Variants in PRORP observed in about 807,000 individuals in gnomAD.
PRORP encodes protein only RNase P catalytic subunit.
A neutral mutation model predicts 59.4 loss-of-function variants in PRORP; 51 were observed. The ratio of observed to expected loss-of-function variants is 0.86; its 90% CI spans 0.69 to 1.08. PRORP has a LOEUF of 1.08. PRORP is among the 50% of genes least tolerant of loss of function. The pLI, the probability that PRORP is intolerant of heterozygous loss-of-function variation, is 0.00. For missense variants in PRORP, 646 were observed against 690.3 expected (o/e 0.94, Z 0.72); for synonymous variants, 231 against 245.6 (o/e 0.94, Z 0.55).
rs546568243 is a variant in PRORP, at chr14:35,276,559, G to C, written c.*2993G>C. 2.0e-5 allele frequency: 3 copies of C among 152,066 alleles called. No individual in the cohort carries two copies. The South Asian group carries it at 6.2e-4, about 32-fold the overall frequency. The allele number at this position is 152,066 out of a possible 1,614,324, so 9.4% of individuals were successfully genotyped here. ...GTCATACTGCCACGGTGACCTTGAG[G>C]AGTGCAGGGATTCCCTGAAGGAAGC... On this transcript the variant is annotated 3_prime_UTR_variant, in exon 8 of 8. Coordinates refer to ENST00000534898, the MANE Select transcript of PRORP (RefSeq NM_014672.4).
chr14:35,238,308 AC>A (rs1370805267), intron 5 of PRORP, among the ~76,000 whole-genome samples: 1 of 152,118 alleles, frequency 6.6e-6, no homozygotes, highest in Non-Finnish European at 1.5e-5. Flanking sequence ...TAATTCCCAA[AC>A]CCACATATCT....
At chr14:35,234,389 T>C (rs2050153592) in intron 5 of PRORP, among the ~76,000 whole-genome samples, 1 of 152,234 alleles carries the variant, frequency 6.6e-6, no homozygotes, top group Non-Finnish European at 1.5e-5. Context: ...ACATTAGGTA[T>C]GAACTGCACC....
intron 5 of PRORP, among the ~76,000 whole-genome samples, chr14:35,205,183 TTTG>T (rs980801089): frequency 1.3e-5 from 2 of 152,082 alleles, no homozygotes; most frequent in African/African-American, 2.4e-5. Flanking sequence ...ATATGCAGTT[TTTG>T]TTGTTGTTGT....
At chr14:35,186,759 T>C (rs1180121861) in intron 5 of PRORP, among the ~76,000 whole-genome samples, 2 of 151,780 alleles carry the variant, frequency 1.3e-5, no homozygotes, top group Non-Finnish European at 2.9e-5. Context: ...GCCCAGCTAA[T>C]TTTATTATTA....
chr14:35,182,029 T>A (rs1344947852), intron 5 of PRORP, among the ~76,000 whole-genome samples: 1 of 150,148 alleles, frequency 6.7e-6, no homozygotes, highest in East Asian at 2.0e-4. Flanking sequence ...TTTGGGAGGC[T>A]GAGGCGGGCA....
At position 35,191,583 on chromosome 14, in the gene PRORP, G is replaced by A. The variant is rs555161766; in HGVS notation, c.1275+10806G>A. On this transcript the variant is annotated intron_variant, in intron 5 of 7. Coordinates refer to ENST00000534898, the MANE Select transcript of PRORP (RefSeq NM_014672.4). ...CTGGATGTGATGGCATGCACCTGTG[G>A]TTCCAGCTTCTCAGAAGGCTGAGGC... Among the ~76,000 whole-genome samples the A allele has an allele frequency of 3.3e-5, 5 of 152,166 alleles. No individual in the cohort carries two copies. The South Asian group carries it at 1.0e-3, about 32-fold the overall frequency.
intron 5 of PRORP, among the ~76,000 whole-genome samples, chr14:35,263,629 A>G (rs1299069438): frequency 6.6e-6 from 1 of 152,230 alleles, no homozygotes; most frequent in African/African-American, 2.4e-5. Flanking sequence ...CAGAGGTTGC[A>G]GTGAACTGAA....
chr14:35,146,211 T>C (rs969159076), intron 4 of PRORP, among the ~76,000 whole-genome samples: 1 of 152,152 alleles, frequency 6.6e-6, no homozygotes, highest in Non-Finnish European at 1.5e-5. Flanking sequence ...AAATAAAGCT[T>C]TAATGATTTA....
intron 5 of PRORP, among the ~76,000 whole-genome samples, chr14:35,254,551 C>T (rs1024900038): frequency 6.6e-6 from 1 of 152,164 alleles, no homozygotes; most frequent in East Asian, 1.9e-4. Flanking sequence ...CGCCACCACT[C>T]GCAGCTAATT....
At chr14:35,248,209 A>G (rs2050530681) in intron 5 of PRORP, among the ~76,000 whole-genome samples, 1 of 152,358 alleles carries the variant, frequency 6.6e-6, no homozygotes, top group African/African-American at 2.4e-5. Context: ...TGACATTATA[A>G]TGAAGTAATA....
intron 5 of PRORP, among the ~76,000 whole-genome samples, chr14:35,226,520 C>T (rs1016991849): frequency 6.6e-6 from 1 of 152,166 alleles, no homozygotes; most frequent in African/African-American, 2.4e-5. Flanking sequence ...GCTGACTCCA[C>T]TGTTCAGACA....
chr14:35,193,369 GAA>G (rs973344121), intron 5 of PRORP, among the ~76,000 whole-genome samples: 2 of 152,222 alleles, frequency 1.3e-5, no homozygotes, highest in African/African-American at 4.8e-5. Context: ...GTGGTTTGGT[GAA>G]AACACTGTAG....
chr14:35,214,805 G>T (rs2049544061), intron 5 of PRORP, among the ~76,000 whole-genome samples: 1 of 152,124 alleles, frequency 6.6e-6, no homozygotes, highest in Non-Finnish European at 1.5e-5. Context: ...TACTTGGGTG[G>T]CTGAGGCAAG....
At chr14:35,201,962 AATT>A (rs1303394224) in intron 5 of PRORP, among the ~76,000 whole-genome samples, 2 of 139,518 alleles carry the variant, frequency 1.4e-5, no homozygotes, top group South Asian at 4.6e-4. Context: ...CCCGCCACAA[AATT>A]ATTATTATTT....
chr14:35,127,425 C>T, intron 3 of PRORP, 54 bp from the exon 4 acceptor site: 1 of 1,336,154 alleles, frequency 7.5e-7, no homozygotes, highest in Non-Finnish European at 9.9e-7. Flanking sequence ...ATTTTTTTCC[C>T]CAGAACATTA....
At chr14:35,262,321 T>G in intron 5 of PRORP, 1 of 291,386 alleles carries the variant, frequency 3.4e-6, no homozygotes, top group South Asian at 3.3e-5. Flanking sequence ...CTATGTCTTT[T>G]GAGCTATTTG....
intron 4 of PRORP, among the ~76,000 whole-genome samples, chr14:35,178,515 T>C (rs1362116251): frequency 6.6e-6 from 1 of 152,216 alleles, no homozygotes; most frequent in Non-Finnish European, 1.5e-5. Context: ...TTTGTCTCTT[T>C]TGATCTTTGT....
At chr14:35,172,467 TCCCCTCTTTC>T (rs2048341942) in intron 4 of PRORP, among the ~76,000 whole-genome samples, 5 of 110,568 alleles carry the variant, frequency 4.5e-5, no homozygotes, top group African/African-American at 1.4e-4. Flanking sequence ...TTTCTTTCTT[TCCCCTCTTTC>T]CTTTCTTTCC....
At chr14:35,194,319 G>A (rs1055866792) in intron 5 of PRORP, among the ~76,000 whole-genome samples, 8 of 152,292 alleles carry the variant, frequency 5.3e-5, no homozygotes, top group African/African-American at 1.9e-4. Flanking sequence ...TAAAGAAAAT[G>A]TGGCATATAT....
Sources: gnomAD v4.1 joint callset for allele counts (sites outside exome capture counted in the v4.1 genomes callset) on GRCh38, gnomAD v4.1.1 for gene constraint, MANE v1.5 for transcripts, NCBI Gene and HGNC (gene_info 2026-07-23, HGNC 2026-07-21) for gene names.